Variants in SYNDIG1 observed in about 807,000 individuals in gnomAD.
SYNDIG1 encodes the protein synapse differentiation inducing 1, also known as synapse differentiation-inducing gene protein 1.
In SYNDIG1, 9 loss-of-function variants were observed where a neutral mutation model predicts 19.4. That is an observed-to-expected ratio of 0.46 (90% CI 0.28 to 0.81). SYNDIG1 has a LOEUF of 0.81. SYNDIG1 is among the 30% of genes least tolerant of loss of function. The probability of loss-of-function intolerance (pLI) is 0.12; values close to 1 mark genes in which losing one functional copy is unlikely to be tolerated. For synonymous variants in SYNDIG1, 141 were observed against 145.9 expected, an observed-to-expected ratio of 0.97 and a Z score of 0.24; for missense variants, 311 against 343.3, an observed-to-expected ratio of 0.91 and a Z score of 0.74.
At chr20:24,489,293 G>A (rs748172201) in intron 1 of SYNDIG1, among the ~76,000 whole-genome samples, 1 of 151,598 alleles carries the variant, frequency 6.6e-6, no homozygotes, top group Non-Finnish European at 1.5e-5. Context: ...GACAGGCACA[G>A]TCACATGCAG....
chr20:24,608,198 T>TG (rs2058789448), intron 3 of SYNDIG1, among the ~76,000 whole-genome samples: 1 of 151,918 alleles, frequency 6.6e-6, no homozygotes, highest in African/African-American at 2.4e-5. Context: ...CTCCTATTTT[T>TG]TTTTTTTGAG....
intron 2 of SYNDIG1, among the ~76,000 whole-genome samples, chr20:24,556,550 C>G (rs1221385824): frequency 1.3e-5 from 2 of 152,130 alleles, no homozygotes; most frequent in African/African-American, 4.8e-5. Flanking sequence ...TATTTTATTT[C>G]TCCTTCACTT....
At chr20:24,657,241 G>T (rs1387076900) in intron 3 of SYNDIG1, among the ~76,000 whole-genome samples, 1 of 152,206 alleles carries the variant, frequency 6.6e-6, no homozygotes, top group Non-Finnish European at 1.5e-5. Context: ...GCAGCTGCCC[G>T]GTCCAGCAGC....
intron 2 of SYNDIG1, among the ~76,000 whole-genome samples, chr20:24,578,367 C>T (rs1031420048): frequency 1.3e-4 from 20 of 151,298 alleles, no homozygotes; most frequent in Admixed American, 2.6e-4. Flanking sequence ...TGCTTGAACC[C>T]GGGAGGCGGA....
At chr20:24,662,009 C>T (rs980834667) in intron 3 of SYNDIG1, among the ~76,000 whole-genome samples, 2 of 152,112 alleles carry the variant, frequency 1.3e-5, no homozygotes, top group Non-Finnish European at 2.9e-5. Context: ...CATCACGAAG[C>T]CATGACCAGC....
At chr20:24,598,422 A>G (rs989262524) in intron 3 of SYNDIG1, among the ~76,000 whole-genome samples, 4 of 152,282 alleles carry the variant, frequency 2.6e-5, no homozygotes, top group African/African-American at 4.8e-5. Flanking sequence ...TTTCACAGAA[A>G]GTTTACAGTG....
chr20:24,581,727 C>T (rs1199564558), intron 2 of SYNDIG1, among the ~76,000 whole-genome samples: 2 of 152,066 alleles, frequency 1.3e-5, no homozygotes, highest in Non-Finnish European at 2.9e-5. Flanking sequence ...GCCATTCATA[C>T]TGCACATCCT....
chr20:24,562,578 T>A (rs1016243971), intron 2 of SYNDIG1, among the ~76,000 whole-genome samples: 10 of 152,220 alleles, frequency 6.6e-5, no homozygotes, highest in Non-Finnish European at 1.3e-4. Context: ...AGCCATTTGG[T>A]GAGAGGGAAA....
chr20:24,494,196 A>G (rs2056236425), intron 1 of SYNDIG1, among the ~76,000 whole-genome samples: 1 of 152,180 alleles, frequency 6.6e-6, no homozygotes, highest in African/African-American at 2.4e-5. Context: ...CTGAGTGCAG[A>G]TTGAGAAGCA....
At chr20:24,550,290 C>T (rs1046646435) in intron 2 of SYNDIG1, among the ~76,000 whole-genome samples, 12 of 152,156 alleles carry the variant, frequency 7.9e-5, no homozygotes, top group African/African-American at 1.9e-4. Flanking sequence ...CTGCAACAAA[C>T]GCATGGTGTA....
chr20:24,627,065 G>A (rs2059155619), intron 3 of SYNDIG1, among the ~76,000 whole-genome samples: 1 of 151,834 alleles, frequency 6.6e-6, no homozygotes, highest in African/African-American at 2.4e-5. Flanking sequence ...GGGAGACCGT[G>A]GAAAGAGAGG....
chr20:24,640,573 C>A (rs2059366646), intron 3 of SYNDIG1, among the ~76,000 whole-genome samples: 1 of 151,676 alleles, frequency 6.6e-6, no homozygotes, highest in Non-Finnish European at 1.5e-5. Context: ...TCATGGTTAT[C>A]TAGTGGCCCC....
chr20:24,664,114 G>A (rs1390231844), intron 3 of SYNDIG1, among the ~76,000 whole-genome samples: 1 of 152,106 alleles, frequency 6.6e-6, no homozygotes, highest in East Asian at 1.9e-4. Context: ...TAGCTTTTAA[G>A]ATCCGAAAGT....
intron 2 of SYNDIG1, among the ~76,000 whole-genome samples, chr20:24,553,286 T>C (rs1392314047): frequency 6.6e-6 from 1 of 152,184 alleles, no homozygotes; most frequent in Non-Finnish European, 1.5e-5. Context: ...TGGTAGTTTC[T>C]TTTGCTGTGC....
chr20:24,558,218 G>T (rs946208259), intron 2 of SYNDIG1, among the ~76,000 whole-genome samples: 1 of 152,118 alleles, frequency 6.6e-6, no homozygotes, highest in Non-Finnish European at 1.5e-5. Context: ...ACAATTTTAA[G>T]TTTCAATCTT....
chr20:24,503,825 C>G (rs546848322), intron 1 of SYNDIG1, among the ~76,000 whole-genome samples: 1 of 152,272 alleles, frequency 6.6e-6, no homozygotes, highest in Non-Finnish European at 1.5e-5. Context: ...CTTCTTCTGG[C>G]TGCTTCCCTG....
chr20:24,587,285 T>C (rs1185355249), intron 3 of SYNDIG1, among the ~76,000 whole-genome samples: 3 of 152,158 alleles, frequency 2.0e-5, no homozygotes, highest in Admixed American at 2.0e-4. Flanking sequence ...GTGGTAAAAC[T>C]ACAACAGAGA....
At chr20:24,600,407 C>T (rs1375539559) in intron 3 of SYNDIG1, among the ~76,000 whole-genome samples, 2 of 152,128 alleles carry the variant, frequency 1.3e-5, no homozygotes, top group Non-Finnish European at 2.9e-5. Context: ...GTCACCATCA[C>T]CCAGGTCAGG....
intron 1 of SYNDIG1, among the ~76,000 whole-genome samples, chr20:24,495,010 A>G (rs2056260119): frequency 6.6e-6 from 1 of 152,232 alleles, no homozygotes; most frequent in Non-Finnish European, 1.5e-5. Context: ...TTAAAAAGGT[A>G]GAACTCAGTT....
Sources: allele counts gnomAD v4.1 joint callset (sites outside exome capture counted in the v4.1 genomes callset), GRCh38; gene constraint gnomAD v4.1.1; transcripts MANE v1.5; gene names NCBI Gene and HGNC (gene_info 2026-07-23, HGNC 2026-07-21).